The following ADAMTSL1 variants were observed in gnomAD, a reference collection of about 807,000 sequenced individuals.
The protein encoded by ADAMTSL1 is ADAMTS like 1.
A neutral mutation model predicts 201.8 loss-of-function variants in ADAMTSL1; 126 were observed. That is an observed-to-expected ratio of 0.62 (90% CI 0.54 to 0.72). The LOEUF (loss-of-function observed/expected upper bound fraction) is 0.72. Among genes scored for constraint, ADAMTSL1 ranks in the 30% least tolerant of loss-of-function variants. The pLI, the probability that ADAMTSL1 is intolerant of heterozygous loss-of-function variation, is 0.00. For synonymous variants in ADAMTSL1, 1,121 were observed against 903.4 expected, an observed-to-expected ratio of 1.24 and a Z score of -4.32; for missense variants, 2,679 against 2,277.8, an observed-to-expected ratio of 1.18 and a Z score of -3.59.
intron 19 of ADAMTSL1, among the ~76,000 whole-genome samples, chr9:18,781,177 C>T (rs1286118925): frequency 6.6e-6 from 1 of 151,482 alleles, no homozygotes; most frequent in African/African-American, 2.5e-5. Context: ...GTGCAAAGAA[C>T]ACTAAAGCAC....
At chr9:18,294,699 A>G (rs1285682905) in intron 2 of ADAMTSL1, among the ~76,000 whole-genome samples, 1 of 152,114 alleles carries the variant, frequency 6.6e-6, no homozygotes, top group Non-Finnish European at 1.5e-5. Context: ...CTCTGAACTG[A>G]GCTGTGCACC....
At chr9:18,652,287 G>A (rs749801699) in intron 7 of ADAMTSL1, among the ~76,000 whole-genome samples, 5 of 148,080 alleles carry the variant, frequency 3.4e-5, no homozygotes, top group Non-Finnish European at 5.9e-5. Context: ...CAGGAAAATC[G>A]CTTGAATCCA....
intron 2 of ADAMTSL1, among the ~76,000 whole-genome samples, chr9:18,310,364 C>A (rs1587524654): frequency 9.0e-5 from 2 of 22,226 alleles, no homozygotes; most frequent in African/African-American, 3.1e-4. Context: ...AGAGCTTCTG[C>A]ATAGCAAAAA....
At chr9:18,049,700 T>C (rs1268613646) in intron 1 of ADAMTSL1, among the ~76,000 whole-genome samples, 1 of 151,964 alleles carries the variant, frequency 6.6e-6, no homozygotes, top group Admixed American at 6.6e-5. Context: ...CTTGGCTCAC[T>C]GCAAGCCCCG....
At chr9:18,380,945 T>G (rs9298792) in intron 2 of ADAMTSL1, among the ~76,000 whole-genome samples, 1 of 152,036 alleles carries the variant, frequency 6.6e-6, no homozygotes, top group Non-Finnish European at 1.5e-5. Context: ...GACATCCCGA[T>G]TGGTCTTGAT....
intron 23 of ADAMTSL1, among the ~76,000 whole-genome samples, chr9:18,871,466 G>A (rs1827866877): frequency 6.6e-6 from 1 of 152,104 alleles, no homozygotes; most frequent in African/African-American, 2.4e-5. Flanking sequence ...CCTGAGGACT[G>A]ATCTCTTGTC....
intron 1 of ADAMTSL1, among the ~76,000 whole-genome samples, chr9:17,924,489 C>G (rs905206252): frequency 2.0e-5 from 3 of 151,770 alleles, no homozygotes; most frequent in Non-Finnish European, 4.4e-5. Flanking sequence ...CAGCATGGTA[C>G]TGGTACCAAA....
intron 1 of ADAMTSL1, among the ~76,000 whole-genome samples, chr9:17,936,062 G>C (rs772326778): frequency 1.3e-5 from 2 of 152,102 alleles, no homozygotes; most frequent in Non-Finnish European, 2.9e-5. Flanking sequence ...TCAAGGCTTT[G>C]TATTTAGCAT....
chr9:18,291,024 G>A (rs547540132), intron 2 of ADAMTSL1, among the ~76,000 whole-genome samples: 6 of 151,860 alleles, frequency 4.0e-5, no homozygotes, highest in Admixed American at 6.6e-5. Flanking sequence ...CTTGTGATCC[G>A]CCCACCTCAG....
intron 1 of ADAMTSL1, among the ~76,000 whole-genome samples, chr9:18,155,710 G>A (rs1344937998): frequency 1.3e-5 from 2 of 152,054 alleles, no homozygotes; most frequent in Non-Finnish European, 2.9e-5. Flanking sequence ...AGAGAGAAGA[G>A]AGGAGCCCTA....
At chr9:18,121,507 C>T (rs1825495548) in intron 1 of ADAMTSL1, among the ~76,000 whole-genome samples, 4 of 152,130 alleles carry the variant, frequency 2.6e-5, no homozygotes. Context: ...ATGTATTTTT[C>T]TCCAATTGCA....
intron 7 of ADAMTSL1, among the ~76,000 whole-genome samples, chr9:18,639,741 A>T (rs1173748329): frequency 6.6e-6 from 1 of 152,132 alleles, no homozygotes; most frequent in Non-Finnish European, 1.5e-5. Context: ...TCATTGACTT[A>T]TATAGGCTAT....
chr9:18,695,705 C>G (rs985010803), intron 13 of ADAMTSL1, among the ~76,000 whole-genome samples: 3 of 152,192 alleles, frequency 2.0e-5, no homozygotes, highest in African/African-American at 4.8e-5. Context: ...CAAAGTTTCC[C>G]TGATCTTCCT....
intron 1 of ADAMTSL1, among the ~76,000 whole-genome samples, chr9:18,038,274 C>T (rs148091002): frequency 6.6e-6 from 1 of 152,102 alleles, no homozygotes; most frequent in Non-Finnish European, 1.5e-5. Flanking sequence ...TTCCAAGTGG[C>T]ATTTTTGGCT....
At chr9:18,574,536 A>T in intron 4 of ADAMTSL1, 1 of 574,664 alleles carries the variant, frequency 1.7e-6, no homozygotes. Flanking sequence ...TTTATCAATT[A>T]TGTACTAGAC....
At chr9:18,260,127 T>C (rs1831858850) in intron 2 of ADAMTSL1, among the ~76,000 whole-genome samples, 1 of 152,218 alleles carries the variant, frequency 6.6e-6, no homozygotes, top group Non-Finnish European at 1.5e-5. Flanking sequence ...GGGAAAGCTT[T>C]AATTCCATTT....
At chr9:18,521,807 A>G (rs1316763542) in intron 2 of ADAMTSL1, among the ~76,000 whole-genome samples, 1 of 152,256 alleles carries the variant, frequency 6.6e-6, no homozygotes, top group Non-Finnish European at 1.5e-5. Flanking sequence ...TGATAGAATG[A>G]CATTTTTAAG....
chr9:18,342,603 A>T lies in ADAMTSL1; in HGVS notation c.208-162226A>T, dbSNP rs1284034501. Among the ~76,000 whole-genome samples, 4 of 152,242 alleles carry T rather than the reference A, an allele frequency of 2.6e-5. No homozygotes were observed. The East Asian group carries it at 7.7e-4, about 29-fold the overall frequency. ...GTTTAATCTTTACCTTTTGGCTTCTAACAGATTAGATGATGGTTTAGTGAG... is the reference window on the plus strand; with the variant it reads ...GTTTAATCTTTACCTTTTGGCTTCTTACAGATTAGATGATGGTTTAGTGAG... On this transcript the variant is annotated intron_variant, in intron 2 of 29. Transcript: ENST00000680146.
intron 2 of ADAMTSL1, among the ~76,000 whole-genome samples, chr9:18,203,561 C>G (rs1829533093): frequency 6.6e-6 from 1 of 150,848 alleles, no homozygotes; most frequent in Admixed American, 6.7e-5. Flanking sequence ...ACACAAGGTC[C>G]TAGAGTTAAG....
Sources: gnomAD v4.1 joint callset for allele counts (sites outside exome capture counted in the v4.1 genomes callset) on GRCh38, gnomAD v4.1.1 for gene constraint, MANE v1.5 for transcripts, NCBI Gene and HGNC (gene_info 2026-07-23, HGNC 2026-07-21) for gene names.